TBC1D25: variants seen among roughly 807,000 people sequenced by gnomAD.
TBC1D25 encodes the protein TBC1 domain family member 25.
TBC1D25 carries 13 observed loss-of-function variants against 38.8 expected under a neutral mutation model. The ratio of observed to expected loss-of-function variants is 0.34; its 90% CI spans 0.22 to 0.53. The LOEUF (loss-of-function observed/expected upper bound fraction) is 0.53. Among genes scored for constraint, TBC1D25 ranks in the 20% least tolerant of loss-of-function variants. The probability of loss-of-function intolerance (pLI) is 0.94; values close to 1 mark genes in which losing one functional copy is unlikely to be tolerated. For missense variants in TBC1D25, 372 were observed against 600.0 expected (o/e 0.62, Z 3.97); for synonymous variants, 225 against 255.6 (o/e 0.88, Z 1.14).
At position 48,560,120 on chromosome X, in the gene TBC1D25, C is replaced by T. The variant is rs374283143; in HGVS notation, c.1212C>T (p.Phe404=). ...AAGAGGCAGGCGCTGATGACCTCTT[C>T]TTCTGTTACCGCTGGCTGCTGCTGG... The part of the protein sequence containing the change: ...YLQEAGADDL[F]FCYRWLLLEL... The change falls in exon 6 of 6, where the codon TTC becomes TTT. Residue 404 remains phenylalanine, a synonymous_variant. Coordinates refer to ENST00000376771, the MANE Select transcript of TBC1D25 (RefSeq NM_002536.4). The T allele has an allele frequency of 8.3e-7, 1 of 1,209,844 alleles. No homozygotes were observed. Among genetic ancestry groups the T allele is most frequent in the Non-Finnish European group, 1.1e-6 (1 of 894,536 alleles).
intron 1 of TBC1D25, among the ~76,000 whole-genome samples, chrX:48,540,843 G>A (rs1352340719): frequency 8.9e-6 from 1 of 112,185 alleles, no homozygotes; most frequent in Non-Finnish European, 1.9e-5. Context: ...CGTGAACCAC[G>A]TGAAGAAAGT....
intron 2 of TBC1D25, among the ~76,000 whole-genome samples, chrX:48,541,982 T>C (rs920407301): frequency 9.1e-6 from 1 of 109,970 alleles, no homozygotes; most frequent in African/African-American, 3.3e-5. Flanking sequence ...TAACCTGTGA[T>C]GTTTGGTAGG....
At chrX:48,543,624 C>T (rs2061858629) in intron 2 of TBC1D25, among the ~76,000 whole-genome samples, 1 of 106,825 alleles carries the variant, frequency 9.4e-6, no homozygotes, top group South Asian at 4.3e-4. Context: ...GTGGCTCATG[C>T]CTGTAATCCC....
chrX:48,541,196 T>C (rs2061835870), intron 1 of TBC1D25, 137 bp from the exon 2 acceptor site: 1 of 541,542 alleles, frequency 1.8e-6, no homozygotes, highest in South Asian at 2.5e-5. Flanking sequence ...TCCTCCTCAC[T>C]GGACCCTGTG....
At chrX:48,557,774 A>G (rs2061987540) in intron 3 of TBC1D25, among the ~76,000 whole-genome samples, 1 of 107,004 alleles carries the variant, frequency 9.3e-6, no homozygotes, top group Admixed American at 1.0e-4. Context: ...GCACCACTGC[A>G]CTCCAGCCTG....
At chrX:48,559,093 A>G in intron 4 of TBC1D25, 65 bp from the exon 5 acceptor site, 1 of 1,203,140 alleles carries the variant, frequency 8.3e-7, no homozygotes, top group Non-Finnish European at 1.1e-6. Flanking sequence ...CCTGGTTCTG[A>G]GCATGCTGGT....
At chrX:48,558,368 G>C (rs1025702832) in intron 3 of TBC1D25, among the ~76,000 whole-genome samples, 1 of 111,414 alleles carries the variant, frequency 9.0e-6, no homozygotes, top group Admixed American at 9.7e-5. Flanking sequence ...GTAGGAGTTT[G>C]GGCTCTTGAG....
At chrX:48,545,091 TCA>T in intron 3 of TBC1D25, 68 bp downstream of exon 3, 1 of 1,155,203 alleles carries the variant, frequency 8.7e-7, no homozygotes, top group Admixed American at 2.3e-5. Flanking sequence ...ATGCTACCCC[TCA>T]CAGTACACTC....
At chrX:48,541,745 C>A (rs895405689) in intron 2 of TBC1D25, among the ~76,000 whole-genome samples, 9 of 112,043 alleles carry the variant, frequency 8.0e-5, no homozygotes, top group Middle Eastern at 4.6e-3. Flanking sequence ...CCCCAACTTA[C>A]AATAACTGGA....
At chrX:48,548,531 A>G (rs1556982433) in intron 3 of TBC1D25, among the ~76,000 whole-genome samples, 1 of 112,205 alleles carries the variant, frequency 8.9e-6, no homozygotes, top group Admixed American at 9.5e-5. Flanking sequence ...TTATTCCATT[A>G]AAATCCTGAC....
chrX:48,548,123 GT>G (rs1256076437), intron 3 of TBC1D25, among the ~76,000 whole-genome samples: 13 of 97,666 alleles, frequency 1.3e-4, no homozygotes, highest in Non-Finnish European at 2.7e-4. Flanking sequence ...TTTTTTTTTT[GT>G]TTTTTTTTTG....
intron 2 of TBC1D25, among the ~76,000 whole-genome samples, chrX:48,542,259 C>G (rs1470675228): frequency 9.5e-6 from 1 of 105,507 alleles, no homozygotes; most frequent in African/African-American, 3.5e-5. Flanking sequence ...ACCTCCGCTT[C>G]CCGGGTTCAA....
chrX:48,548,650 G>C (rs1298847202), intron 3 of TBC1D25, among the ~76,000 whole-genome samples: 2 of 111,248 alleles, frequency 1.8e-5, no homozygotes, highest in Non-Finnish European at 3.8e-5. Flanking sequence ...AGTCTCCTGG[G>C]AACGCTATGC....
At chrX:48,552,038 A>C (rs1293494738) in intron 3 of TBC1D25, among the ~76,000 whole-genome samples, 1 of 109,654 alleles carries the variant, frequency 9.1e-6, no homozygotes, top group African/African-American at 3.3e-5. Flanking sequence ...CATGGCTACT[A>C]TTTTTTTCTG....
rs782156943 is a variant in TBC1D25 at position 48,539,949 on chromosome X, G to A, written c.123+29G>A. ...AGGCTGGCGGTGAGTCGGCCCAGCCGCCGAGGCATCCCAGGGGAGGGGGAG... is the reference window on the plus strand; with the variant it reads ...AGGCTGGCGGTGAGTCGGCCCAGCCACCGAGGCATCCCAGGGGAGGGGGAG... On this transcript the variant is annotated intron_variant, in intron 1 of 5. Transcript: ENST00000376771. The A allele has an allele frequency of 1.5e-3, 1,452 of 944,815 alleles. 2 individuals are homozygous for A. Among genetic ancestry groups the A allele is most frequent in the Non-Finnish European group, 1.7e-3 (1,251 of 757,160 alleles). 77.9% of individuals were successfully genotyped at this position (944,815 alleles called of 1,213,427 possible).
chrX:48,544,901 G>A lies in TBC1D25; in HGVS notation c.266G>A (p.Arg89Gln), dbSNP rs144855115. Residue 89 changes from arginine (R) to glutamine (Q), a missense_variant, in exon 3 of 6, where the codon CGG (arginine) becomes CAG (glutamine). Physicochemically the swap from Arg to Gln is conservative, Grantham distance 43. Around this residue, in one of 2 missense-constraint regions of TBC1D25, gnomAD observed 312 missense variants for 549.3 expected, o/e 0.57. Coordinates refer to ENST00000376771, the MANE Select transcript of TBC1D25 (RefSeq NM_002536.4). ...AACTTTGGCATCAGCTACCTGGGCC[G>A]GGACCGGCTAGGACAGGAAGTTTAC... Reference protein sequence around the residue: ...KKNFGISYLGRDRLGQEVYLS... With the variant: ...KKNFGISYLGQDRLGQEVYLS... 9.8e-5 allele frequency: 119 copies of A among 1,210,320 alleles called. No individual in the cohort carries two copies. The East Asian group carries it at 3.3e-3, about 34-fold the overall frequency.
At chrX:48,543,276 G>C (rs374042134) in intron 2 of TBC1D25, among the ~76,000 whole-genome samples, 2 of 109,266 alleles carry the variant, frequency 1.8e-5, no homozygotes, top group African/African-American at 6.7e-5. Flanking sequence ...TCATTCTGTC[G>C]TCCAGGCTGG....
Position 48,542,446 on chromosome X carries a change from G to T in TBC1D25, c.233+1004G>T, listed in dbSNP as rs782029684. On this transcript the variant is annotated intron_variant, in intron 2 of 5. Transcript: ENST00000376771. ...GCCTCCCAAAGTGCTAGGATTACAG[G>T]TGTAAGCCCCCGCACCCAGTCCCAG... 5.5e-5 allele frequency among the ~76,000 whole-genome samples: 6 copies of T among 108,364 alleles called. No individual in the cohort carries two copies. The South Asian group carries it at 2.4e-3, about 43-fold the overall frequency. The allele number at this position is 108,364 out of a possible 115,157, so 94.1% of individuals were successfully genotyped here.
intron 3 of TBC1D25, among the ~76,000 whole-genome samples, chrX:48,552,541 C>CG (rs1475297414): frequency 8.2e-5 from 9 of 109,640 alleles, no homozygotes; most frequent in African/African-American, 3.0e-4. Flanking sequence ...TTAGTAGAGA[C>CG]GGGGTTTCAC....
Sources: gnomAD v4.1 joint callset for allele counts (sites outside exome capture counted in the v4.1 genomes callset) on GRCh38, gnomAD v4.1.1 for gene constraint, gnomAD v4.1.1 regional missense constraint, MANE v1.5 for transcripts, NCBI Gene and HGNC (gene_info 2026-07-23, HGNC 2026-07-21) for gene names.